RNF152: variants seen among roughly 807,000 people sequenced by gnomAD.
The protein encoded by RNF152 is ring finger protein 152.
RNF152 carries 11 observed loss-of-function variants against 12.7 expected under a neutral mutation model. That is an observed-to-expected ratio of 0.86 (90% CI 0.54 to 1.43). The LOEUF (loss-of-function observed/expected upper bound fraction) is 1.43. RNF152 is among the 40% of genes most tolerant of loss of function. The pLI is 0.00. For synonymous variants in RNF152, 113 were observed against 120.3 expected, an observed-to-expected ratio of 0.94 and a Z score of 0.40; for missense variants, 255 against 274.8, an observed-to-expected ratio of 0.93 and a Z score of 0.51.
chr18:61,850,290 C>A (rs986519287), intron 1 of RNF152, among the ~76,000 whole-genome samples: 7 of 152,236 alleles, frequency 4.6e-5, no homozygotes, highest in African/African-American at 1.7e-4. Flanking sequence ...GAAATGTGTG[C>A]AAAGCCCTTG....
chr18:61,831,564 T>C (rs563672468), intron 1 of RNF152, among the ~76,000 whole-genome samples: 1 of 152,296 alleles, frequency 6.6e-6, no homozygotes, highest in Non-Finnish European at 1.5e-5. Context: ...GGTTATGGAT[T>C]ATTCATACTT....
intron 1 of RNF152, among the ~76,000 whole-genome samples, chr18:61,855,347 G>GGCA (rs1294617729): frequency 6.6e-6 from 1 of 152,252 alleles, no homozygotes; most frequent in Admixed American, 6.5e-5. Context: ...TCATAGTGAT[G>GGCA]GCAGAAGCGG....
intron 1 of RNF152, among the ~76,000 whole-genome samples, chr18:61,857,791 G>T (rs528440506): frequency 2.6e-5 from 4 of 152,286 alleles, no homozygotes; most frequent in Non-Finnish European, 5.9e-5. Context: ...TTCAGCCTCA[G>T]TCCTGTTAAT....
intron 1 of RNF152, among the ~76,000 whole-genome samples, chr18:61,826,517 T>C (rs1481152139): frequency 6.6e-6 from 1 of 152,230 alleles, no homozygotes; most frequent in Non-Finnish European, 1.5e-5. Context: ...AAGTTAGGTA[T>C]GTAATCCTTA....
At chr18:61,869,922 TGAAA>T (rs1010975283) in intron 1 of RNF152, among the ~76,000 whole-genome samples, 49 of 152,292 alleles carry the variant, frequency 3.2e-4, no homozygotes, top group African/African-American at 1.2e-3. Flanking sequence ...CAGGAAACCA[TGAAA>T]GAAACAGTGT....
intron 1 of RNF152, among the ~76,000 whole-genome samples, chr18:61,818,972 T>C (rs1223197024): frequency 1.3e-5 from 2 of 152,156 alleles, no homozygotes; most frequent in African/African-American, 2.4e-5. Context: ...GGGAATTTAG[T>C]GAAAAATCTG....
intron 1 of RNF152, among the ~76,000 whole-genome samples, chr18:61,845,725 A>T (rs1910715379): frequency 6.6e-6 from 1 of 152,216 alleles, no homozygotes; most frequent in Non-Finnish European, 1.5e-5. Context: ...CCCGTAGCAG[A>T]GGCAGCCCGA....
intron 1 of RNF152, among the ~76,000 whole-genome samples, chr18:61,838,453 C>A (rs1029335890): frequency 2.0e-5 from 3 of 152,122 alleles, no homozygotes; most frequent in African/African-American, 7.2e-5. Flanking sequence ...GCACTTCCAG[C>A]CAGCCAAATT....
At position 61,857,187 on chromosome 18, in the gene RNF152, AT is replaced by A. The variant is rs545256982; in HGVS notation, c.-136+35607del. ...TCAGGGTTCAAGCTCTGTCTCCATT[AT>A]CCCCAACACTGTAACAGGGAGAAAG... is the stretch of plus-strand genomic sequence containing the variant. On this transcript the variant is annotated intron_variant, in intron 1 of 1. Transcript: ENST00000312828. 5.3e-5 allele frequency among the ~76,000 whole-genome samples: 8 copies of A among 152,268 alleles called. No homozygotes were observed. In the South Asian group the frequency reaches 1.7e-3, roughly 32 times the overall value.
At chr18:61,835,906 G>A (rs2144659376) in intron 1 of RNF152, among the ~76,000 whole-genome samples, 1 of 152,274 alleles carries the variant, frequency 6.6e-6, no homozygotes, top group Middle Eastern at 3.4e-3. Flanking sequence ...CAGAAAACAA[G>A]GCCAAGGCTT....
In RNF152 at chr18:61,844,190, GA is replaced by G. The variant is rs1156888286; in HGVS notation, c.-135-27593del. ...GGAAGGGAGGAAGAGAGGAAGGAAG[GA>G]AGGGAAGGAGGGAGGGAAGGAGGGA... On this transcript the variant is annotated intron_variant, in intron 1 of 1. Transcript: ENST00000312828. Among the ~76,000 whole-genome samples, 7 of 61,598 alleles carry G rather than the reference GA, an allele frequency of 1.1e-4. No homozygotes were observed. In the East Asian group the frequency reaches 2.9e-3, roughly 26 times the overall value. 40.4% of individuals were successfully genotyped at this position (61,598 alleles called of 152,430 possible).
intron 1 of RNF152, among the ~76,000 whole-genome samples, chr18:61,818,482 AAT>A (rs1167913068): frequency 1.3e-5 from 2 of 152,216 alleles, no homozygotes; most frequent in African/African-American, 2.4e-5. Context: ...CAAAGACAAA[AAT>A]AACCACTGTT....
chr18:61,856,670 T>A (rs1458574436), intron 1 of RNF152, among the ~76,000 whole-genome samples: 1 of 152,006 alleles, frequency 6.6e-6, no homozygotes, highest in Non-Finnish European at 1.5e-5. Flanking sequence ...GGTGAGGGGT[T>A]GGGGGAGGGG....
In RNF152 at chr18:61,808,238, C is replaced by G. The variant is rs1242652549; in HGVS notation, c.*7614G>C. 1 of 151,854 alleles carries G rather than the reference C, an allele frequency of 6.6e-6. No homozygotes were observed. The highest frequency in any genetic ancestry group is 6.6e-5 in the Admixed American group (1 of 15,234). The allele number at this position is 151,854 out of a possible 1,614,324, so 9.4% of individuals were successfully genotyped here. ...GGACTGGCTAAGACACCATCTATAA[C>G]AGAGAGAGCAAGCAAGAATGCTTTT... is the stretch of plus-strand genomic sequence containing the variant. On this transcript the variant is annotated 3_prime_UTR_variant, in exon 2 of 2. Transcript: ENST00000312828.
At chr18:61,822,678 G>A (rs1488385045) in intron 1 of RNF152, among the ~76,000 whole-genome samples, 2 of 152,150 alleles carry the variant, frequency 1.3e-5, no homozygotes, top group Non-Finnish European at 2.9e-5. Context: ...CTGTGACAGT[G>A]GGGTTAATTA....
At chr18:61,844,177 GA>G (rs1910637635) in intron 1 of RNF152, among the ~76,000 whole-genome samples, 1 of 65,922 alleles carries the variant, frequency 1.5e-5, no homozygotes, top group Non-Finnish European at 4.7e-5. Flanking sequence ...AAGGGAGGAA[GA>G]GAGGAAGGAA....
At chr18:61,879,053 A>G (rs985426623) in intron 1 of RNF152, among the ~76,000 whole-genome samples, 1 of 152,228 alleles carries the variant, frequency 6.6e-6, no homozygotes, top group African/African-American at 2.4e-5. Context: ...TCAACAGGAC[A>G]AGTAAAATGG....
At chr18:61,821,335 C>T (rs910294988) in intron 1 of RNF152, among the ~76,000 whole-genome samples, 5 of 152,218 alleles carry the variant, frequency 3.3e-5, no homozygotes, top group Admixed American at 6.5e-5. Flanking sequence ...TTGACAGCAG[C>T]CTCTCTGATT....
At chr18:61,829,502 G>T (rs531910776) in intron 1 of RNF152, among the ~76,000 whole-genome samples, 10 of 151,524 alleles carry the variant, frequency 6.6e-5, no homozygotes, top group Admixed American at 1.3e-4. Context: ...AGGGGAGAGA[G>T]AGATATATAT....
Sources: gnomAD v4.1 joint callset for allele counts (sites outside exome capture counted in the v4.1 genomes callset) on GRCh38, gnomAD v4.1.1 for gene constraint, MANE v1.5 for transcripts, NCBI Gene and HGNC (gene_info 2026-07-23, HGNC 2026-07-21) for gene names.